The following CUL3 variants were observed in gnomAD, a reference collection of about 807,000 sequenced individuals.
CUL3 encodes cullin 3.
Under a neutral mutation model 89.1 loss-of-function variants are expected in CUL3, and 19 were observed. The observed-to-expected ratio is 0.21, with a 90% CI of 0.15 to 0.31. CUL3 has a LOEUF of 0.31. Ranked by LOEUF, CUL3 falls within the 10% of genes least tolerant of loss-of-function variation. CUL3 has a pLI of 1.00. For synonymous variants in CUL3, 351 were observed against 308.4 expected (o/e 1.14, Z -1.45); for missense variants, 469 against 942.3 (o/e 0.50, Z 6.58).
chr2:224,509,227 T>G (rs544106396), intron 6 of CUL3, among the ~76,000 whole-genome samples: 1 of 152,244 alleles, frequency 6.6e-6, no homozygotes, highest in East Asian at 1.9e-4. Context: ...CACCTTTTTT[T>G]TCTTAAGACA....
At chr2:224,513,784 C>T (rs41522946) in intron 4 of CUL3, 146 bp from the exon 5 acceptor site, 13,382 of 567,454 alleles carry the variant, frequency 0.024, 217 homozygotes, top group Non-Finnish European at 0.031. Context: ...TCATGTAAAA[C>T]GAAAGGATTT....
At chr2:224,545,490 T>C (rs1331211089) in intron 2 of CUL3, among the ~76,000 whole-genome samples, 2 of 152,218 alleles carry the variant, frequency 1.3e-5, no homozygotes, top group South Asian at 2.1e-4. Flanking sequence ...AAATTCATTC[T>C]CAGTGGAAAT....
intron 12 of CUL3, among the ~76,000 whole-genome samples, chr2:224,496,916 G>A (rs769209550): frequency 3.9e-5 from 6 of 152,092 alleles, no homozygotes; most frequent in Non-Finnish European, 7.4e-5. Context: ...ATTAAAAGCT[G>A]AGTTCTTTAG....
intron 2 of CUL3, among the ~76,000 whole-genome samples, chr2:224,555,232 T>C (rs1694657816): frequency 6.6e-6 from 1 of 152,210 alleles, no homozygotes; most frequent in African/African-American, 2.4e-5. Flanking sequence ...TCATATTCTC[T>C]ACCCATTTCA....
intron 2 of CUL3, among the ~76,000 whole-genome samples, chr2:224,541,554 C>A (rs959474144): frequency 2.3e-4 from 35 of 152,176 alleles, no homozygotes; most frequent in African/African-American, 8.2e-4. Flanking sequence ...GACCCAGCAA[C>A]CCTACTTCTA....
intron 15 of CUL3, among the ~76,000 whole-genome samples, chr2:224,476,205 C>T (rs905429049): frequency 1.3e-5 from 2 of 151,852 alleles, no homozygotes; most frequent in African/African-American, 2.4e-5. Context: ...TTCAGTAGGA[C>T]GGGGTTTCGC....
chr2:224,527,528 A>C (rs1693524131), intron 3 of CUL3, among the ~76,000 whole-genome samples: 1 of 152,242 alleles, frequency 6.6e-6, no homozygotes. Context: ...TTGCACTACA[A>C]CGTTCACACT....
At chr2:224,501,021 A>C (rs1366901974) in intron 10 of CUL3, among the ~76,000 whole-genome samples, 1 of 152,244 alleles carries the variant, frequency 6.6e-6, no homozygotes, top group East Asian at 1.9e-4. Context: ...GTTAATTTAA[A>C]AACACTGACC....
At chr2:224,526,601 A>G (rs573261920) in intron 3 of CUL3, among the ~76,000 whole-genome samples, 61 of 150,732 alleles carry the variant, frequency 4.0e-4, no homozygotes, top group Non-Finnish European at 7.4e-4. Flanking sequence ...AAAAAAAAAA[A>G]AAAAAAAAAA....
intron 6 of CUL3, among the ~76,000 whole-genome samples, 163 bp downstream of exon 6, chr2:224,511,191 A>C (rs1381577777): frequency 6.6e-6 from 1 of 152,226 alleles, no homozygotes; most frequent in Non-Finnish European, 1.5e-5. Context: ...GTAAGACAGA[A>C]TCAAGCTTGG....
At chr2:224,558,800 T>C (rs1574694768) in intron 1 of CUL3, among the ~76,000 whole-genome samples, 2 of 152,028 alleles carry the variant, frequency 1.3e-5, no homozygotes, top group African/African-American at 2.4e-5. Context: ...CCCAGCACTA[T>C]GGGAGGCCGA....
chr2:224,543,650 T>A (rs770859043), intron 2 of CUL3, among the ~76,000 whole-genome samples: 4 of 152,326 alleles, frequency 2.6e-5, no homozygotes, highest in South Asian at 2.1e-4. Context: ...GATGCTCCAA[T>A]GAGCATTTCC....
At chr2:224,482,660 T>C (rs555994562) in intron 13 of CUL3, among the ~76,000 whole-genome samples, 1 of 152,100 alleles carries the variant, frequency 6.6e-6, no homozygotes, top group African/African-American at 2.4e-5. Context: ...CAGGTAATAA[T>C]CTTTACTGCG....
intron 15 of CUL3, among the ~76,000 whole-genome samples, chr2:224,476,521 C>T (rs556479536): frequency 5.6e-4 from 85 of 152,272 alleles, no homozygotes; most frequent in African/African-American, 1.8e-3. Flanking sequence ...AAGCTCATAT[C>T]GGGTTTCACA....
At chr2:224,526,763 C>T (rs1334048744) in intron 3 of CUL3, among the ~76,000 whole-genome samples, 1 of 147,676 alleles carries the variant, frequency 6.8e-6, no homozygotes, top group Non-Finnish European at 1.5e-5. Flanking sequence ...TCACAAGGCA[C>T]AGCGATCAAG....
chr2:224,555,716 A>G (rs1352613917), intron 2 of CUL3, among the ~76,000 whole-genome samples: 1 of 152,172 alleles, frequency 6.6e-6, no homozygotes, highest in Non-Finnish European at 1.5e-5. Flanking sequence ...ATCTGCCATC[A>G]TGGAATGCCT....
chr2:224,582,844 TA>T (rs1354221550), intron 1 of CUL3, among the ~76,000 whole-genome samples: 1 of 152,170 alleles, frequency 6.6e-6, no homozygotes, highest in African/African-American at 2.4e-5. Flanking sequence ...GCCTGGCACA[TA>T]ATATTCAGTA....
chr2:224,529,319 T>C (rs987910846), intron 3 of CUL3, among the ~76,000 whole-genome samples: 1 of 152,098 alleles, frequency 6.6e-6, no homozygotes, highest in African/African-American at 2.4e-5. Flanking sequence ...GTTATTTCTT[T>C]AATAAAAGAA....
intron 13 of CUL3, among the ~76,000 whole-genome samples, chr2:224,484,208 C>G (rs940578685): frequency 1.3e-5 from 2 of 151,850 alleles, no homozygotes; most frequent in African/African-American, 2.4e-5. Flanking sequence ...TACTAATGAA[C>G]TGCTTTCAAG....
Sources: allele counts gnomAD v4.1 joint callset (sites outside exome capture counted in the v4.1 genomes callset), GRCh38; gene constraint gnomAD v4.1.1; transcripts MANE v1.5; gene names NCBI Gene and HGNC (gene_info 2026-07-23, HGNC 2026-07-21).